RAB3IP: variants seen among roughly 807,000 people sequenced by gnomAD.
RAB3IP encodes the protein RAB3A interacting protein.
Under a neutral mutation model 59.1 loss-of-function variants are expected in RAB3IP, and 36 were observed. That is an observed-to-expected ratio of 0.61 (90% CI 0.47 to 0.80). The LOEUF is 0.80. RAB3IP is among the 30% of genes least tolerant of loss of function. The pLI, the probability that RAB3IP is intolerant of heterozygous loss-of-function variation, is 0.00. For missense variants in RAB3IP, 511 were observed against 536.0 expected, an observed-to-expected ratio of 0.95 and a Z score of 0.46; for synonymous variants, 207 against 191.2, an observed-to-expected ratio of 1.08 and a Z score of -0.68.
At chr12:69,797,499 T>TTTTTTTTTTTTTTTTC (rs1877667849) in intron 6 of RAB3IP, among the ~76,000 whole-genome samples, 1 of 146,224 alleles carries the variant, frequency 6.8e-6, no homozygotes, top group East Asian at 2.0e-4. Flanking sequence ...TTTTTTTTTT[T>TTTTTTTTTTTTTTTTC]TAATAAATTT....
At chr12:69,745,129 C>T (rs899462805) in intron 1 of RAB3IP, among the ~76,000 whole-genome samples, 1 of 152,130 alleles carries the variant, frequency 6.6e-6, no homozygotes, top group Non-Finnish European at 1.5e-5. Context: ...GTGATCAGTC[C>T]TCATCCATCC....
rs1881854815 is a variant in RAB3IP at position 69,822,521 on chromosome 12, G to A, written c.*7075G>A. The stretch of plus-strand genomic sequence containing the variant: ...GAATACAACAGGATAGCAGAGGCTG[G>A]GAAGGGTAATGGGGGTTGGGGGGTG... On this transcript the variant is annotated 3_prime_UTR_variant, in exon 11 of 11. Coordinates refer to ENST00000247833, the MANE Select transcript of RAB3IP (RefSeq NM_022456.5). The A allele has an allele frequency of 6.6e-6, 1 of 151,586 alleles. No homozygotes were observed. The allele number at this position is 151,586 out of a possible 1,614,324, so 9.4% of individuals were successfully genotyped here. A position where few individuals can be genotyped will look rare whatever the true frequency, so the allele number is the denominator to read the frequency against.
chr12:69,753,104 G>T (rs866514413), intron 1 of RAB3IP, among the ~76,000 whole-genome samples: 8 of 152,300 alleles, frequency 5.3e-5, no homozygotes, highest in African/African-American at 1.4e-4. Context: ...TTTGAAATTT[G>T]TCATTTGTAG....
intron 1 of RAB3IP, among the ~76,000 whole-genome samples, chr12:69,743,975 T>A (rs1341701295): frequency 6.6e-6 from 1 of 152,168 alleles, no homozygotes; most frequent in African/African-American, 2.4e-5. Context: ...AAAAAGAAAT[T>A]TGGAAAATGA....
chr12:69,785,317 G>A (rs1198395806), intron 4 of RAB3IP, among the ~76,000 whole-genome samples: 1 of 152,188 alleles, frequency 6.6e-6, no homozygotes, highest in Admixed American at 6.5e-5. Flanking sequence ...GACGTTTAGT[G>A]TCCTTGGTGT....
At chr12:69,790,287 A>G (rs1374354079) in intron 4 of RAB3IP, among the ~76,000 whole-genome samples, 1 of 152,224 alleles carries the variant, frequency 6.6e-6, no homozygotes, top group Admixed American at 6.5e-5. Context: ...AATTTAAGAG[A>G]ACAATCTCAT....
chr12:69,811,563 T>C (rs73333816), intron 8 of RAB3IP, among the ~76,000 whole-genome samples: 218 of 152,356 alleles, frequency 1.4e-3, no homozygotes, highest in African/African-American at 4.9e-3. Context: ...TTTCCTCTTA[T>C]GCAAATTATA....
chr12:69,810,909 A>G (rs1312378382), intron 8 of RAB3IP, among the ~76,000 whole-genome samples: 2 of 152,148 alleles, frequency 1.3e-5, no homozygotes, highest in East Asian at 1.9e-4. Context: ...CATGTTTGGG[A>G]AAAAAATGGA....
At position 69,820,763 on chromosome 12, in the gene RAB3IP, C is replaced by T. The variant is rs1438686707; in HGVS notation, c.*5317C>T. The T allele has an allele frequency of 6.8e-6, 1 of 146,542 alleles. No individual in the cohort carries two copies. The highest frequency in any genetic ancestry group is 1.5e-5 in the Non-Finnish European group (1 of 67,366). The allele number at this position is 146,542 out of a possible 1,614,324, so 9.1% of individuals were successfully genotyped here. Reference sequence around the variant, plus strand: ...ATCCCAGCTACTTGGGAGGCTGAGTCAGGAGAAACGCTCGAACCCAGGAGG... The same window carrying T: ...ATCCCAGCTACTTGGGAGGCTGAGTTAGGAGAAACGCTCGAACCCAGGAGG... On this transcript the variant is annotated 3_prime_UTR_variant, in exon 11 of 11. Coordinates refer to ENST00000247833, the MANE Select transcript of RAB3IP (RefSeq NM_022456.5).
chr12:69,757,751 G>A (rs1870463021), intron 3 of RAB3IP, among the ~76,000 whole-genome samples: 1 of 152,140 alleles, frequency 6.6e-6, no homozygotes, highest in South Asian at 2.1e-4. Flanking sequence ...AAAAGGATGT[G>A]GTGAGATGTG....
At chr12:69,811,960 T>G (rs1228291017) in intron 8 of RAB3IP, 1 of 152,188 alleles carries the variant, frequency 6.6e-6, no homozygotes, top group Non-Finnish European at 1.5e-5. Context: ...GGAGTGATAG[T>G]TGTATTGAGC....
chr12:69,762,618 G>A (rs1277453461), intron 3 of RAB3IP, among the ~76,000 whole-genome samples: 6 of 151,934 alleles, frequency 3.9e-5, no homozygotes, highest in African/African-American at 1.2e-4. Context: ...TTAGCCAGGT[G>A]TGGTGGCAGA....
At chr12:69,804,849 G>A (rs1394504495) in intron 8 of RAB3IP, among the ~76,000 whole-genome samples, 33 of 152,146 alleles carry the variant, frequency 2.2e-4, no homozygotes, top group Admixed American at 5.9e-4. Context: ...TGTTCCATTG[G>A]TCTATATCTC....
At chr12:69,807,273 G>GAC (rs1879513824) in intron 8 of RAB3IP, among the ~76,000 whole-genome samples, 1 of 145,696 alleles carries the variant, frequency 6.9e-6, no homozygotes. Context: ...CCTCCCAGAC[G>GAC]GGGCAGCCGG....
intron 4 of RAB3IP, among the ~76,000 whole-genome samples, chr12:69,790,511 G>T (rs753293142): frequency 4.6e-5 from 7 of 152,130 alleles, no homozygotes; most frequent in Non-Finnish European, 7.4e-5. Context: ...TGCAATCCCT[G>T]TGAAAATCCC....
intron 8 of RAB3IP, among the ~76,000 whole-genome samples, chr12:69,802,878 C>T (rs1281684524): frequency 5.3e-5 from 8 of 152,288 alleles, no homozygotes; most frequent in African/African-American, 1.7e-4. Flanking sequence ...ACGTCCACCT[C>T]GCTCCCTCAA....
At chr12:69,748,568 C>T (rs1297384782) in intron 1 of RAB3IP, among the ~76,000 whole-genome samples, 1 of 152,134 alleles carries the variant, frequency 6.6e-6, no homozygotes, top group Non-Finnish European at 1.5e-5. Flanking sequence ...TCAACTTTTT[C>T]TTGTGGTCTG....
Position 69,801,700 on chromosome 12 carries a change from C to T in RAB3IP, c.1109C>T (p.Ala370Val), listed in dbSNP as rs766896196. 4 of 1,611,134 alleles carry T rather than the reference C, an allele frequency of 2.5e-6. No individual in the cohort carries two copies. The South Asian group carries it at 4.4e-5, about 18-fold the overall frequency. Residue 370 changes from alanine to valine, a missense_variant, in exon 8 of 11, where the codon GCA becomes GTA. Ala to Val is a moderately conservative substitution (Grantham distance 64, BLOSUM62 0). Transcript: ENST00000247833. ...LQPIRFVKASAVECGGPKKCA... is the reference protein window; with the variant it reads ...LQPIRFVKASVVECGGPKKCA... ...CCTATCCGGTTTGTGAAAGCTTCTG[C>T]AGTTGAATGCGGAGGACCAAAGTAG...
intron 1 of RAB3IP, among the ~76,000 whole-genome samples, chr12:69,747,512 T>G (rs1448598937): frequency 2.0e-5 from 3 of 152,308 alleles, no homozygotes; most frequent in East Asian, 3.9e-4. Context: ...ATGTTGCTTT[T>G]GGTTGTTGCT....
Sources: gnomAD v4.1 joint callset for allele counts (sites outside exome capture counted in the v4.1 genomes callset) on GRCh38, gnomAD v4.1.1 for gene constraint, MANE v1.5 for transcripts, NCBI Gene and HGNC (gene_info 2026-07-23, HGNC 2026-07-21) for gene names.